The following TBC1D5 variants were observed in gnomAD, a reference collection of about 807,000 sequenced individuals.
The protein encoded by TBC1D5 is TBC1 domain family member 5.
Under a neutral mutation model 100.3 loss-of-function variants are expected in TBC1D5, and 75 were observed. That is an observed-to-expected ratio of 0.75 (90% CI 0.62 to 0.91). The LOEUF is 0.91. Ranked by LOEUF, TBC1D5 falls within the 40% of genes least tolerant of loss-of-function variation. The pLI is 0.00. For missense variants in TBC1D5, 910 were observed against 942.4 expected, an observed-to-expected ratio of 0.97 and a Z score of 0.45; for synonymous variants, 323 against 325.6, an observed-to-expected ratio of 0.99 and a Z score of 0.09.
intron 3 of TBC1D5, among the ~76,000 whole-genome samples, chr3:17,485,906 G>A (rs1249563024): frequency 6.6e-6 from 1 of 152,100 alleles, no homozygotes; most frequent in African/African-American, 2.4e-5. Flanking sequence ...AGATCCCTGA[G>A]GAATCGCCAC....
At position 17,580,837 on chromosome 3, in the gene TBC1D5, T is replaced by C. The variant is rs567084217; in HGVS notation, c.-36+43012A>G. ...AGTTTTCCTCTTAACCTCACTGTGTTTTCTTCTCTAGCCACCTCTACTAAT... is the reference window on the plus strand; with the variant it reads ...AGTTTTCCTCTTAACCTCACTGTGTCTTCTTCTCTAGCCACCTCTACTAAT... On this transcript the variant is annotated intron_variant, in intron 2 of 21. Transcript: ENST00000253692. Among the ~76,000 whole-genome samples, 3 of 152,338 alleles carry C rather than the reference T, an allele frequency of 2.0e-5. No homozygotes were observed. In the South Asian group the frequency reaches 6.2e-4, roughly 32 times the overall value.
At chr3:17,303,052 A>G (rs2083020881) in intron 14 of TBC1D5, among the ~76,000 whole-genome samples, 1 of 152,154 alleles carries the variant, frequency 6.6e-6, no homozygotes, top group East Asian at 1.9e-4. Flanking sequence ...AAGCTCATCT[A>G]ATTAGTCCTG....
intron 2 of TBC1D5, among the ~76,000 whole-genome samples, chr3:17,529,529 G>C (rs2096188709): frequency 6.6e-6 from 1 of 152,022 alleles, no homozygotes; most frequent in Admixed American, 6.6e-5. Context: ...ATGGAAGCAG[G>C]GGTGTTTACA....
In TBC1D5 at chr3:17,589,451, C is replaced by T. The variant is rs140881295; in HGVS notation, c.-36+34398G>A. 1.4e-4 allele frequency among the ~76,000 whole-genome samples: 21 copies of T among 152,218 alleles called. No homozygotes were observed. The East Asian group carries it at 2.5e-3, about 18-fold the overall frequency. On this transcript the variant is annotated intron_variant, in intron 2 of 21. Coordinates refer to ENST00000253692, the Ensembl canonical transcript of TBC1D5. Reference sequence around the variant, plus strand: ...CTGAATCATGAGGGCAGGTCTTTCCCGTGCTGTTCTTGTGATAGTGATTAA... The same window carrying T: ...CTGAATCATGAGGGCAGGTCTTTCCTGTGCTGTTCTTGTGATAGTGATTAA...
intron 2 of TBC1D5, among the ~76,000 whole-genome samples, chr3:17,619,598 A>G (rs779568609): frequency 3.4e-4 from 52 of 152,244 alleles, no homozygotes; most frequent in Non-Finnish European, 6.3e-4. Flanking sequence ...TAAACTGCAA[A>G]TGGATCAGAG....
At chr3:17,464,929 A>G (rs192026405) in intron 3 of TBC1D5, among the ~76,000 whole-genome samples, 4 of 152,220 alleles carry the variant, frequency 2.6e-5, no homozygotes, top group Admixed American at 2.6e-4. Flanking sequence ...GAGTGATCAT[A>G]AAGTTCACCA....
chr3:17,714,081 T>C (rs983244278), intron 1 of TBC1D5, among the ~76,000 whole-genome samples: 3 of 152,146 alleles, frequency 2.0e-5, no homozygotes, highest in Non-Finnish European at 2.9e-5. Flanking sequence ...CCTGTGTGTC[T>C]TCCCTCTCTG....
chr3:17,653,033 G>T (rs2065728409), intron 1 of TBC1D5, among the ~76,000 whole-genome samples: 1 of 152,158 alleles, frequency 6.6e-6, no homozygotes, highest in South Asian at 2.1e-4. Context: ...ACTGCTAAGT[G>T]AACGAAGATA....
At chr3:17,703,414 G>C (rs1171601605) in intron 1 of TBC1D5, among the ~76,000 whole-genome samples, 1 of 151,894 alleles carries the variant, frequency 6.6e-6, no homozygotes, top group Non-Finnish European at 1.5e-5. Context: ...AAATAAGTAG[G>C]CAAATTTTTA....
Position 17,167,844 on chromosome 3 carries a change from T to C in TBC1D5, c.1853-16A>G. The C allele has an allele frequency of 6.4e-7, 1 of 1,558,518 alleles. No homozygotes were observed. The highest frequency in any genetic ancestry group is 8.8e-7 in the Non-Finnish European group (1 of 1,136,368). ...TGAATATTTACTGAAAATAGAAGAA[T>C]GACATTTTATAACCAATGCTCTGAG... On this transcript the variant is annotated splice_polypyrimidine_tract_variant and intron_variant, in intron 19 of 21. Coordinates refer to ENST00000253692, the Ensembl canonical transcript of TBC1D5.
chr3:17,269,251 A>G (rs1265194729), intron 15 of TBC1D5, among the ~76,000 whole-genome samples: 1 of 152,124 alleles, frequency 6.6e-6, no homozygotes, highest in African/African-American at 2.4e-5. Flanking sequence ...AGGAGGGGTC[A>G]GTGGGGAGAA....
intron 3 of TBC1D5, among the ~76,000 whole-genome samples, chr3:17,448,574 G>A (rs2094852391): frequency 6.6e-6 from 1 of 152,210 alleles, no homozygotes; most frequent in Admixed American, 6.5e-5. Flanking sequence ...TGGCAGGCAT[G>A]AAAACAACAT....
intron 15 of TBC1D5, among the ~76,000 whole-genome samples, chr3:17,289,144 G>T (rs1024826227): frequency 3.3e-5 from 5 of 152,324 alleles, no homozygotes; most frequent in African/African-American, 1.2e-4. Context: ...CCAGCTGCAA[G>T]CCCCGCATGG....
At chr3:17,273,728 A>T (rs995144954) in intron 15 of TBC1D5, among the ~76,000 whole-genome samples, 1 of 149,448 alleles carries the variant, frequency 6.7e-6, no homozygotes, top group African/African-American at 2.5e-5. Flanking sequence ...CATCGCTTGA[A>T]CCCGGGAGGT....
chr3:17,733,541 A>C (rs2076734177), intron 1 of TBC1D5, among the ~76,000 whole-genome samples: 1 of 152,214 alleles, frequency 6.6e-6, no homozygotes, highest in Admixed American at 6.5e-5. Context: ...AGAGCTACGT[A>C]CATTACCAGG....
At chr3:17,347,506 T>C (rs987862930) in intron 13 of TBC1D5, among the ~76,000 whole-genome samples, 13 of 152,128 alleles carry the variant, frequency 8.5e-5, no homozygotes, top group Non-Finnish European at 1.5e-4. Flanking sequence ...AAAAAAATTA[T>C]TGACAAGTTA....
chr3:17,169,653 T>G (rs922120713), intron 19 of TBC1D5, among the ~76,000 whole-genome samples: 1 of 152,200 alleles, frequency 6.6e-6, no homozygotes, highest in African/African-American at 2.4e-5. Context: ...TTTCGTTTCC[T>G]TAAAAGCCTG....
chr3:17,407,437 T>C (rs1312755932), intron 4 of TBC1D5, among the ~76,000 whole-genome samples: 4 of 152,142 alleles, frequency 2.6e-5, no homozygotes, highest in Non-Finnish European at 5.9e-5. Context: ...AAAATTTACA[T>C]ATAACTTAAC....
In TBC1D5 at chr3:17,710,696, C is replaced by T. The variant is rs1034592372; in HGVS notation, c.-101+28647G>A. 4.6e-5 allele frequency among the ~76,000 whole-genome samples: 7 copies of T among 151,124 alleles called. 1 individual carries two copies. The highest frequency in any genetic ancestry group is 8.8e-5 in the Non-Finnish European group (6 of 67,844). ...TTCATTTATTTTATTTATTTATTTA[C>T]TTATTTATTTATTTATTTTGAGACA... On this transcript the variant is annotated intron_variant, in intron 1 of 21. Coordinates refer to ENST00000253692, the Ensembl canonical transcript of TBC1D5.
Sources: allele counts gnomAD v4.1 joint callset (sites outside exome capture counted in the v4.1 genomes callset), GRCh38; gene constraint gnomAD v4.1.1; transcripts MANE v1.5; gene names NCBI Gene and HGNC (gene_info 2026-07-23, HGNC 2026-07-21).